Variants in CTIF observed in about 807,000 individuals in gnomAD.
CTIF encodes CBP80/20-dependent translation initiation factor.
In CTIF, 21 loss-of-function variants were observed where a neutral mutation model predicts 66.0. That is an observed-to-expected ratio of 0.32 (90% CI 0.23 to 0.46). The LOEUF is 0.46. Ranked by LOEUF, CTIF falls within the 20% of genes least tolerant of loss-of-function variation. CTIF has a pLI of 1.00. For synonymous variants in CTIF, 345 were observed against 326.4 expected, an observed-to-expected ratio of 1.06 and a Z score of -0.62; for missense variants, 739 against 812.7, an observed-to-expected ratio of 0.91 and a Z score of 1.10.
intron 10 of CTIF, among the ~76,000 whole-genome samples, chr18:48,837,597 C>A (rs1247576539): frequency 6.6e-6 from 1 of 152,076 alleles, no homozygotes; most frequent in Non-Finnish European, 1.5e-5. Flanking sequence ...ATTTATGGAG[C>A]CTCTGCCACT....
At position 48,758,187 on chromosome 18, in the gene CTIF, A is replaced by C. The variant is rs1908585838; in HGVS notation, c.853A>C (p.Thr285Pro). The C allele has an allele frequency of 6.2e-7, 1 of 1,613,696 alleles. No individual in the cohort carries two copies. Among genetic ancestry groups the C allele is most frequent in the African/African-American group, 1.3e-5 (1 of 74,868 alleles). The change falls in exon 8 of 12, where the codon ACT (threonine) becomes CCT (proline). Residue 285 changes from threonine (T) to proline (P), a missense_variant. Coordinates refer to ENST00000256413, the MANE Select transcript of CTIF (RefSeq NM_014772.3). ...CATCGAGAACCCAAAACTGGAGGAC[A>C]CTGCAGGGGACACCGGGCACAGCAG... ...MTIENPKLEDTAGDTGHSSLE... is the reference protein window; with the variant it reads ...MTIENPKLEDPAGDTGHSSLE...
intron 1 of CTIF, among the ~76,000 whole-genome samples, chr18:48,600,317 G>T (rs1039045080): frequency 6.6e-6 from 1 of 152,108 alleles, no homozygotes; most frequent in African/African-American, 2.4e-5. Context: ...TGGCGGTGGC[G>T]ATGAGCTCCG....
intron 1 of CTIF, among the ~76,000 whole-genome samples, chr18:48,604,168 GTT>G (rs34544217): frequency 2.7e-3 from 169 of 63,270 alleles, no homozygotes; most frequent in African/African-American, 7.1e-3. Flanking sequence ...TTTTTTAAGG[GTT>G]TTTTTTTTTT....
At chr18:48,836,398 G>A (rs549247815) in intron 10 of CTIF, among the ~76,000 whole-genome samples, 5 of 152,172 alleles carry the variant, frequency 3.3e-5, no homozygotes, top group Admixed American at 6.5e-5. Flanking sequence ...CTGCCTGGAG[G>A]ACAGTGGGGT....
chr18:48,665,969 C>T (rs1485266114), intron 5 of CTIF, among the ~76,000 whole-genome samples: 1 of 152,118 alleles, frequency 6.6e-6, no homozygotes, highest in South Asian at 2.1e-4. Flanking sequence ...TGGGTGTATA[C>T]CTGGGGTGGA....
intron 3 of CTIF, among the ~76,000 whole-genome samples, chr18:48,646,901 CAAAAAAAAAA>C (rs35904615): frequency 1.9e-3 from 151 of 78,006 alleles, no homozygotes; most frequent in African/African-American, 6.9e-3. Flanking sequence ...TTGGCAGTTT[CAAAAAAAAAA>C]AAAAAAAAAA....
At chr18:48,711,779 G>C in intron 7 of CTIF, 84 bp downstream of exon 7, 1 of 1,176,032 alleles carries the variant, frequency 8.5e-7, no homozygotes, top group Non-Finnish European at 1.3e-6. Flanking sequence ...CCTGCATTTC[G>C]CTTTTCCCAG....
intron 9 of CTIF, among the ~76,000 whole-genome samples, chr18:48,812,495 T>G (rs1044069921): frequency 6.6e-6 from 1 of 152,190 alleles, no homozygotes; most frequent in Admixed American, 6.5e-5. Context: ...GTAAGAAGAC[T>G]GTCTTTTGTT....
At chr18:48,740,607 G>A (rs1041511860) in intron 7 of CTIF, among the ~76,000 whole-genome samples, 12 of 152,226 alleles carry the variant, frequency 7.9e-5, no homozygotes, top group African/African-American at 2.7e-4. Flanking sequence ...AGGACCAGGA[G>A]CAAGAAGTAT....
intron 9 of CTIF, among the ~76,000 whole-genome samples, chr18:48,793,670 C>G (rs1400422208): frequency 6.6e-6 from 1 of 152,146 alleles, no homozygotes; most frequent in Non-Finnish European, 1.5e-5. Flanking sequence ...AACAATTAGC[C>G]CAGCTCAAGT....
chr18:48,664,697 A>G, intron 5 of CTIF, 146 bp downstream of exon 5: 1 of 654,162 alleles, frequency 1.5e-6, no homozygotes, highest in South Asian at 1.9e-5. Flanking sequence ...CCAGAGCTGC[A>G]GGCTCACTGG....
intron 1 of CTIF, among the ~76,000 whole-genome samples, chr18:48,560,737 A>C (rs574804628): frequency 6.6e-6 from 1 of 151,454 alleles, no homozygotes; most frequent in African/African-American, 2.4e-5. Context: ...TACCCCACAA[A>C]ATTTGTTGTA....
At chr18:48,763,166 A>C (rs942123853) in intron 9 of CTIF, among the ~76,000 whole-genome samples, 1 of 152,068 alleles carries the variant, frequency 6.6e-6, no homozygotes, top group African/African-American at 2.4e-5. Flanking sequence ...GCATCAGCCT[A>C]TGGTCTCGGC....
At chr18:48,627,631 A>T (rs1332753395) in intron 2 of CTIF, among the ~76,000 whole-genome samples, 1 of 151,992 alleles carries the variant, frequency 6.6e-6, no homozygotes, top group Non-Finnish European at 1.5e-5. Flanking sequence ...AGGTGGGAGG[A>T]TCACCTGAGC....
intron 6 of CTIF, among the ~76,000 whole-genome samples, chr18:48,709,134 T>C (rs2092194929): frequency 6.6e-6 from 1 of 152,208 alleles, no homozygotes; most frequent in Non-Finnish European, 1.5e-5. Context: ...TTTACAGATA[T>C]GGAAACTGAG....
intron 1 of CTIF, among the ~76,000 whole-genome samples, chr18:48,550,952 G>C (rs941580583): frequency 6.6e-6 from 1 of 152,096 alleles, no homozygotes; most frequent in Non-Finnish European, 1.5e-5. Context: ...ATCTCTACAT[G>C]TTTTCCTCCC....
intron 9 of CTIF, among the ~76,000 whole-genome samples, chr18:48,781,274 C>T (rs1283874232): frequency 6.6e-6 from 1 of 152,212 alleles, no homozygotes; most frequent in East Asian, 1.9e-4. Context: ...GGGGGCCGGG[C>T]CTGCAGAAGG....
chr18:48,815,497 T>G (rs2068343759), intron 9 of CTIF, among the ~76,000 whole-genome samples: 1 of 152,258 alleles, frequency 6.6e-6, no homozygotes, highest in African/African-American at 2.4e-5. Context: ...CTGCTGTTAC[T>G]GTTTTACATA....
chr18:48,544,192 A>G lies in CTIF; in HGVS notation c.-29+4880A>G, dbSNP rs114066481. Among the ~76,000 whole-genome samples the G allele has an allele frequency of 5.0e-3, 768 of 152,358 alleles. 8 individuals carry two copies. Among genetic ancestry groups the G allele is most frequent in the African/African-American group, 0.018 (737 of 41,588 alleles). On this transcript the variant is annotated intron_variant, in intron 1 of 11. Coordinates refer to ENST00000256413, the MANE Select transcript of CTIF (RefSeq NM_014772.3). ...AAAGGTTGGATAGTGGTTGGTTGAC[A>G]CTGGGGCTACTTTAATACGCTGCAC... is the stretch of plus-strand genomic sequence containing the variant.
Sources: gnomAD v4.1 joint callset for allele counts (sites outside exome capture counted in the v4.1 genomes callset) on GRCh38, gnomAD v4.1.1 for gene constraint, MANE v1.5 for transcripts, NCBI Gene and HGNC (gene_info 2026-07-23, HGNC 2026-07-21) for gene names.